CSMD3: variants seen among roughly 807,000 people sequenced by gnomAD.
CSMD3 encodes CUB and Sushi multiple domains 3, also known as CUB and sushi domain-containing protein 3.
In CSMD3, 177 loss-of-function variants were observed where a neutral mutation model predicts 435.2. The ratio of observed to expected loss-of-function variants is 0.41; its 90% CI spans 0.36 to 0.46. The LOEUF is 0.46. CSMD3 is among the 20% of genes least tolerant of loss of function. The pLI, the probability that CSMD3 is intolerant of heterozygous loss-of-function variation, is 0.34. For missense variants in CSMD3, 4,265 were observed against 4,504.6 expected, an observed-to-expected ratio of 0.95 and a Z score of 1.52; for synonymous variants, 1,656 against 1,520.5, an observed-to-expected ratio of 1.09 and a Z score of -2.07.
At chr8:112,369,752 A>G (rs1828140351) in intron 38 of CSMD3, among the ~76,000 whole-genome samples, 1 of 151,916 alleles carries the variant, frequency 6.6e-6, no homozygotes, top group African/African-American at 2.4e-5. Flanking sequence ...TAGGACAAAT[A>G]CCTAATGCAT....
In CSMD3 at chr8:112,962,449, T is replaced by G. The variant is rs574490269; in HGVS notation, c.1343-7688A>C. On this transcript the variant is annotated intron_variant, in intron 7 of 70. Transcript: ENST00000297405. Reference sequence around the variant, plus strand: ...CTTTTTGAAAAACAGCAGCCAAAGTTAATGACTTTCTTCAGACTGTGGACA... The same window carrying G: ...CTTTTTGAAAAACAGCAGCCAAAGTGAATGACTTTCTTCAGACTGTGGACA... 7.2e-5 allele frequency among the ~76,000 whole-genome samples: 11 copies of G among 151,930 alleles called. No individual in the cohort carries two copies. The East Asian group carries it at 1.9e-3, about 27-fold the overall frequency.
At chr8:113,184,650 G>C (rs545931686) in intron 3 of CSMD3, among the ~76,000 whole-genome samples, 7 of 152,180 alleles carry the variant, frequency 4.6e-5, no homozygotes, top group Admixed American at 4.6e-4. Flanking sequence ...TAGAACTCCA[G>C]TTCATCATTA....
intron 59 of CSMD3, 73 bp from the exon 60 acceptor site, chr8:112,265,663 G>A (rs1470932779): frequency 9.9e-7 from 1 of 1,006,636 alleles, no homozygotes; most frequent in Admixed American, 1.7e-5. Context: ...GTAAGCATAT[G>A]GCATACTTAA....
intron 4 of CSMD3, among the ~76,000 whole-genome samples, chr8:113,110,055 A>G (rs1262860208): frequency 6.6e-6 from 1 of 152,142 alleles, no homozygotes; most frequent in Admixed American, 6.5e-5. Flanking sequence ...AGGCTCTTGT[A>G]GCCTGGCCTT....
chr8:112,303,080 T>C (rs551828457), intron 52 of CSMD3, among the ~76,000 whole-genome samples: 103 of 152,250 alleles, frequency 6.8e-4, no homozygotes, highest in Admixed American at 9.8e-4. Flanking sequence ...CAAACATTTG[T>C]TGAAAACCTG....
chr8:113,360,976 TAAAC>T (rs1188747545), intron 1 of CSMD3, among the ~76,000 whole-genome samples: 1 of 152,038 alleles, frequency 6.6e-6, no homozygotes, highest in Non-Finnish European at 1.5e-5. Flanking sequence ...TCACTGAAAA[TAAAC>T]AATTTTTTAC....
At chr8:112,908,142 T>C (rs2082312322) in intron 10 of CSMD3, among the ~76,000 whole-genome samples, 1 of 151,516 alleles carries the variant, frequency 6.6e-6, no homozygotes, top group Admixed American at 6.6e-5. Context: ...TTATTAATAT[T>C]CAAATAGAAC....
intron 1 of CSMD3, among the ~76,000 whole-genome samples, chr8:113,419,138 T>C (rs2094597439): frequency 6.6e-6 from 1 of 151,500 alleles, no homozygotes; most frequent in Non-Finnish European, 1.5e-5. Flanking sequence ...TTTTTTTTTT[T>C]TTGACAGGGT....
chr8:112,630,706 T>C (rs996164803), intron 22 of CSMD3, among the ~76,000 whole-genome samples: 3 of 152,034 alleles, frequency 2.0e-5, no homozygotes, highest in Non-Finnish European at 4.4e-5. Flanking sequence ...TGAAAGATAA[T>C]ACAATTTCTA....
chr8:113,221,168 G>T (rs2092961754), intron 3 of CSMD3, among the ~76,000 whole-genome samples: 1 of 151,148 alleles, frequency 6.6e-6, no homozygotes, highest in Non-Finnish European at 1.5e-5. Context: ...GTGTCAATTT[G>T]CAAAATTGAA....
rs188137589 is a variant in CSMD3 at position 112,707,307 on chromosome 8, A to G, written c.1973-17257T>C. Among the ~76,000 whole-genome samples the G allele has an allele frequency of 6.6e-5, 10 of 152,196 alleles. 1 individual carries two copies. The highest frequency in any genetic ancestry group is 6.6e-4 in the Admixed American group (10 of 15,240). ...GAAAGACTACATTAAGAAAAGTGAC[A>G]GTGAAACAAGTGAGCAGCAGATGCC... On this transcript the variant is annotated intron_variant, in intron 13 of 70. Transcript: ENST00000297405.
intron 17 of CSMD3, among the ~76,000 whole-genome samples, chr8:112,664,494 A>T (rs1156735224): frequency 6.6e-6 from 1 of 152,186 alleles, no homozygotes; most frequent in East Asian, 1.9e-4. Flanking sequence ...AATAGGGGAT[A>T]CGGTTTTAAC....
At chr8:112,723,465 T>C (rs553872910) in intron 13 of CSMD3, among the ~76,000 whole-genome samples, 2 of 152,314 alleles carry the variant, frequency 1.3e-5, no homozygotes, top group Admixed American at 1.3e-4. Context: ...TTAGTTGATA[T>C]ATTTCATTAA....
intron 1 of CSMD3, among the ~76,000 whole-genome samples, chr8:113,406,482 A>G (rs1403830790): frequency 6.6e-6 from 1 of 152,066 alleles, no homozygotes; most frequent in Non-Finnish European, 1.5e-5. Flanking sequence ...ACAATAGGTT[A>G]CTAAGAACAA....
intron 21 of CSMD3, among the ~76,000 whole-genome samples, chr8:112,637,581 A>G (rs1194294456): frequency 1.3e-5 from 2 of 152,136 alleles, no homozygotes; most frequent in African/African-American, 4.8e-5. Context: ...TTCCCCAGGC[A>G]ATAAATGAAC....
chr8:112,374,167 A>C (rs1188990408), intron 38 of CSMD3, among the ~76,000 whole-genome samples: 1 of 151,832 alleles, frequency 6.6e-6, no homozygotes, highest in Non-Finnish European at 1.5e-5. Flanking sequence ...TAATGTCCTT[A>C]CTGATTAGAC....
At chr8:112,719,058 A>G (rs565772730) in intron 13 of CSMD3, among the ~76,000 whole-genome samples, 14 of 152,174 alleles carry the variant, frequency 9.2e-5, no homozygotes, top group Non-Finnish European at 1.9e-4. Flanking sequence ...TCAACTATCA[A>G]ATCAAAAACC....
At chr8:112,759,369 C>T (rs935498764) in intron 13 of CSMD3, among the ~76,000 whole-genome samples, 1 of 151,988 alleles carries the variant, frequency 6.6e-6, no homozygotes, top group Non-Finnish European at 1.5e-5. Context: ...TTCAAAAATT[C>T]TCTATTAGTG....
At chr8:112,310,098 T>G (rs1161498753) in intron 50 of CSMD3, 1 of 152,220 alleles carries the variant, frequency 6.6e-6, no homozygotes, top group East Asian at 1.9e-4. Context: ...ATTTTAAAAT[T>G]TTCAAAGTCC....
Sources: allele counts gnomAD v4.1 joint callset (sites outside exome capture counted in the v4.1 genomes callset), GRCh38; gene constraint gnomAD v4.1.1; transcripts MANE v1.5; gene names NCBI Gene and HGNC (gene_info 2026-07-23, HGNC 2026-07-21).